The following STRN3 variants were observed in gnomAD, a reference collection of about 807,000 sequenced individuals.
The protein encoded by STRN3 is striatin 3.
A neutral mutation model predicts 95.6 loss-of-function variants in STRN3; 29 were observed. The ratio of observed to expected loss-of-function variants is 0.30; its 90% CI spans 0.23 to 0.41. The LOEUF (loss-of-function observed/expected upper bound fraction) is 0.41, where lower values mean the gene tolerates loss of function less well. Ranked by LOEUF, STRN3 falls within the 10% of genes least tolerant of loss-of-function variation. The pLI is 1.00. For missense variants in STRN3, 890 were observed against 972.1 expected (o/e 0.92, Z 1.12); for synonymous variants, 331 against 357.6 (o/e 0.93, Z 0.84).
intron 1 of STRN3, among the ~76,000 whole-genome samples, chr14:31,019,606 C>G (rs1024725840): frequency 3.3e-5 from 5 of 152,234 alleles, no homozygotes; most frequent in African/African-American, 1.2e-4. Context: ...AGGAGGAGTA[C>G]TCTGAACTAA....
At chr14:30,927,609 C>G (rs1457517031) in intron 8 of STRN3, among the ~76,000 whole-genome samples, 3 of 148,302 alleles carry the variant, frequency 2.0e-5, no homozygotes, top group African/African-American at 7.5e-5. Context: ...AAATAAGCTA[C>G]TTTATTTCTT....
At chr14:30,999,701 C>T (rs1594563663) in intron 1 of STRN3, among the ~76,000 whole-genome samples, 1 of 152,040 alleles carries the variant, frequency 6.6e-6, no homozygotes, top group East Asian at 1.9e-4. Context: ...AGTATACCAA[C>T]ATATGCATGA....
chr14:30,978,423 T>C (rs1881222416), intron 1 of STRN3, among the ~76,000 whole-genome samples: 2 of 152,286 alleles, frequency 1.3e-5, no homozygotes, highest in South Asian at 4.1e-4. Flanking sequence ...TACCCATTCA[T>C]GACAAAAACT....
chr14:31,012,063 C>T (rs942497767), intron 1 of STRN3, among the ~76,000 whole-genome samples: 4 of 152,186 alleles, frequency 2.6e-5, no homozygotes, highest in East Asian at 1.9e-4. Context: ...GCATGGGCGA[C>T]GGAGCGAGAC....
chr14:30,956,055 A>T, intron 2 of STRN3, 84 bp downstream of exon 2: 1 of 1,176,116 alleles, frequency 8.5e-7, no homozygotes, highest in Admixed American at 2.2e-5. Flanking sequence ...CTTTCAAAAA[A>T]AGCTGCCAAA....
intron 1 of STRN3, among the ~76,000 whole-genome samples, chr14:31,012,096 A>C (rs1404286088): frequency 6.6e-6 from 1 of 152,258 alleles, no homozygotes; most frequent in African/African-American, 2.4e-5. Flanking sequence ...AAAAGAAAAC[A>C]AAAAAGCAAC....
At position 30,903,215 on chromosome 14, in the gene STRN3, A is replaced by G. The variant is rs75003722; in HGVS notation, c.2030-572T>C. Among the ~76,000 whole-genome samples, 1,317 of 152,206 alleles carry G rather than the reference A, an allele frequency of 8.7e-3. 12 individuals carry two copies. The highest frequency in any genetic ancestry group is 0.03 in the African/African-American group (1,233 of 41,552). ...AATATTAATAGACTTTAGATCATTC[A>G]TTCTGCTTATGTATCGCAACTCATA... On this transcript the variant is annotated intron_variant, in intron 15 of 17. Transcript: ENST00000357479.
chr14:30,909,811 A>AAAT, intron 13 of STRN3, among the ~76,000 whole-genome samples: 1 of 152,292 alleles, frequency 6.6e-6, no homozygotes, highest in East Asian at 1.9e-4. Context: ...GAATTTTGTG[A>AAAT]TATGTAAATT....
intron 4 of STRN3, 107 bp from the exon 5 acceptor site, chr14:30,947,370 C>T (rs1003285218): frequency 1.2e-6 from 1 of 859,988 alleles, no homozygotes; most frequent in Non-Finnish European, 1.7e-6. Flanking sequence ...TATGCTCTCC[C>T]TTTGTCTCAG....
In STRN3 at chr14:30,911,695, A is replaced by G; in HGVS notation, c.1598+82T>C. 3.1e-6 allele frequency: 4 copies of G among 1,275,610 alleles called. No homozygotes were observed. In the South Asian group the frequency reaches 5.8e-5, roughly 19 times the overall value. 79.0% of individuals were successfully genotyped at this position (1,275,610 alleles called of 1,614,324 possible). Reference sequence around the variant, plus strand: ...ATCTTTTCTAATACAAAACATTGAGAAAATTACAAGGTTTGAGGACCGATA... The same window carrying G: ...ATCTTTTCTAATACAAAACATTGAGGAAATTACAAGGTTTGAGGACCGATA... On this transcript the variant is annotated intron_variant, in intron 12 of 17. Coordinates refer to ENST00000357479, the MANE Select transcript of STRN3 (RefSeq NM_001083893.2).
At chr14:30,926,046 T>C (rs1427682820) in intron 8 of STRN3, among the ~76,000 whole-genome samples, 2 of 152,112 alleles carry the variant, frequency 1.3e-5, no homozygotes, top group Non-Finnish European at 2.9e-5. Flanking sequence ...AGAAAGTTTT[T>C]ATTTTCTTAA....
chr14:31,021,807 G>C (rs1011279772), intron 1 of STRN3, among the ~76,000 whole-genome samples: 1 of 152,170 alleles, frequency 6.6e-6, no homozygotes, highest in Non-Finnish European at 1.5e-5. Flanking sequence ...GTTCTACGAA[G>C]TGTTTAGAAG....
chr14:30,993,636 C>CTA (rs1882066372), intron 1 of STRN3, among the ~76,000 whole-genome samples: 1 of 152,182 alleles, frequency 6.6e-6, no homozygotes, highest in East Asian at 1.9e-4. Flanking sequence ...CCTTTGCTGC[C>CTA]TATATACATG....
chr14:31,019,839 T>C (rs1849948503), intron 1 of STRN3, among the ~76,000 whole-genome samples: 1 of 152,036 alleles, frequency 6.6e-6, no homozygotes, highest in African/African-American at 2.4e-5. Flanking sequence ...TGATGTTACC[T>C]ATATTACTTA....
intron 5 of STRN3, among the ~76,000 whole-genome samples, chr14:30,944,212 T>C (rs1269306292): frequency 6.6e-6 from 1 of 152,076 alleles, no homozygotes; most frequent in Admixed American, 6.6e-5. Context: ...CAAACCTGTA[T>C]TGCTGTAAAA....
At chr14:30,926,839 C>G (rs1015919970) in intron 8 of STRN3, among the ~76,000 whole-genome samples, 10 of 152,080 alleles carry the variant, frequency 6.6e-5, no homozygotes, top group African/African-American at 2.2e-4. Flanking sequence ...AGTACTGATT[C>G]AGTCAAAGAA....
At chr14:31,022,564 T>A (rs887565401) in intron 1 of STRN3, among the ~76,000 whole-genome samples, 1 of 151,690 alleles carries the variant, frequency 6.6e-6, no homozygotes, top group African/African-American at 2.4e-5. Context: ...TGCAGCAGCA[T>A]CACAGGCGCT....
intron 1 of STRN3, among the ~76,000 whole-genome samples, chr14:30,961,546 CTGTGT>C (rs1264799684): frequency 6.6e-6 from 1 of 152,214 alleles, no homozygotes; most frequent in African/African-American, 2.4e-5. Context: ...AACAAATCTA[CTGTGT>C]TGTCAGTCAT....
At chr14:30,911,665 A>G (rs1896613124) in intron 12 of STRN3, 112 bp downstream of exon 12, 3 of 933,574 alleles carry the variant, frequency 3.2e-6, no homozygotes, top group Non-Finnish European at 4.8e-6. Flanking sequence ...TTATTCAAGT[A>G]ATACATCTTT....
Sources: allele counts gnomAD v4.1 joint callset (sites outside exome capture counted in the v4.1 genomes callset), GRCh38; gene constraint gnomAD v4.1.1; transcripts MANE v1.5; gene names NCBI Gene and HGNC (gene_info 2026-07-23, HGNC 2026-07-21).